The following KCND2 variants were observed in gnomAD, a reference collection of about 807,000 sequenced individuals.
KCND2 encodes the protein potassium voltage-gated channel subfamily D member 2.
In KCND2, 16 loss-of-function variants were observed where a neutral mutation model predicts 54.4. The observed-to-expected ratio is 0.29, with a 90% CI of 0.20 to 0.45. KCND2 has a LOEUF of 0.45. Ranked by LOEUF, KCND2 falls within the 20% of genes least tolerant of loss-of-function variation. KCND2 has a pLI of 1.00. For synonymous variants in KCND2, 317 were observed against 310.7 expected, an observed-to-expected ratio of 1.02 and a Z score of -0.21; for missense variants, 486 against 824.2, an observed-to-expected ratio of 0.59 and a Z score of 5.02.
intron 1 of KCND2, among the ~76,000 whole-genome samples, chr7:120,435,621 A>G (rs1424619287): frequency 1.3e-5 from 2 of 152,146 alleles, no homozygotes. Flanking sequence ...GCATTTATAC[A>G]ATTCAGAATC....
intron 1 of KCND2, among the ~76,000 whole-genome samples, chr7:120,326,530 G>A (rs1182426426): frequency 2.6e-5 from 4 of 152,020 alleles, no homozygotes; most frequent in Non-Finnish European, 5.9e-5. Context: ...CTAATTGGTA[G>A]CTCATTGTTG....
intron 1 of KCND2, among the ~76,000 whole-genome samples, chr7:120,528,480 A>T (rs551751553): frequency 3.2e-4 from 48 of 152,172 alleles, no homozygotes; most frequent in Non-Finnish European, 5.3e-4. Flanking sequence ...ATATTAATTT[A>T]TGGTGATGTA....
chr7:120,278,514 T>C (rs897687795), intron 1 of KCND2, among the ~76,000 whole-genome samples: 4 of 151,144 alleles, frequency 2.6e-5, no homozygotes, highest in Non-Finnish European at 5.9e-5. Flanking sequence ...AAGTTCCATC[T>C]CGTATGAACG....
chr7:120,522,916 C>A (rs1333918418), intron 1 of KCND2, among the ~76,000 whole-genome samples: 2 of 152,020 alleles, frequency 1.3e-5, no homozygotes, highest in East Asian at 3.9e-4. Context: ...TTCAGTAATG[C>A]CTTTGCCTTC....
At chr7:120,559,860 TAAGC>T (rs1792212212) in intron 1 of KCND2, among the ~76,000 whole-genome samples, 1 of 152,110 alleles carries the variant, frequency 6.6e-6, no homozygotes, top group Non-Finnish European at 1.5e-5. Flanking sequence ...AAGAGAAAAT[TAAGC>T]AAGGCCTTAA....
chr7:120,535,538 G>A (rs1043412183), intron 1 of KCND2, among the ~76,000 whole-genome samples: 7 of 152,198 alleles, frequency 4.6e-5, no homozygotes, highest in Middle Eastern at 3.4e-3. Context: ...AGAGCGAGAG[G>A]TCACATACTT....
intron 1 of KCND2, among the ~76,000 whole-genome samples, chr7:120,684,201 T>G (rs1792173567): frequency 6.6e-6 from 1 of 152,172 alleles, no homozygotes; most frequent in South Asian, 2.1e-4. Context: ...TAGTGTGGCG[T>G]TATTCCTGGG....
chr7:120,735,338 C>T (rs1341735159), intron 2 of KCND2, among the ~76,000 whole-genome samples: 2 of 152,142 alleles, frequency 1.3e-5, no homozygotes, highest in African/African-American at 4.8e-5. Context: ...CCATACAGTA[C>T]AGTCCCTCTA....
At position 120,323,780 on chromosome 7, in the gene KCND2, G is replaced by A. The variant is rs1156609365; in HGVS notation, c.1115+48033G>A. On this transcript the variant is annotated intron_variant, in intron 1 of 5. Coordinates refer to ENST00000331113, the MANE Select transcript of KCND2 (RefSeq NM_012281.3). ...ACATACGTGTGCATGTGTCTTTATAGCAGCATGATTTATAGTCCTTTGGGT... is the reference window on the plus strand; with the variant it reads ...ACATACGTGTGCATGTGTCTTTATAACAGCATGATTTATAGTCCTTTGGGT... 7.9e-5 allele frequency among the ~76,000 whole-genome samples: 10 copies of A among 127,086 alleles called. No homozygotes were observed. In the Admixed American group the frequency reaches 8.6e-4, roughly 11 times the overall value. The allele number at this position is 127,086 out of a possible 152,430, so 83.4% of individuals were successfully genotyped here.
At chr7:120,493,208 A>T (rs1000179739) in intron 1 of KCND2, among the ~76,000 whole-genome samples, 5 of 149,152 alleles carry the variant, frequency 3.4e-5, no homozygotes, top group African/African-American at 1.2e-4. Flanking sequence ...GATCTATATC[A>T]TATATATATA....
intron 1 of KCND2, among the ~76,000 whole-genome samples, chr7:120,403,461 G>A (rs996890322): frequency 1.3e-4 from 19 of 150,994 alleles, no homozygotes; most frequent in African/African-American, 1.7e-4. Flanking sequence ...AATTACAGGC[G>A]ATGGCTACCA....
intron 1 of KCND2, among the ~76,000 whole-genome samples, chr7:120,397,995 GTATATATATATATATATATATA>G (rs200944488): frequency 4.2e-4 from 39 of 93,122 alleles, no homozygotes; most frequent in African/African-American, 1.6e-3. Flanking sequence ...GTGTGTGTGT[GTATATATATATATATATATATA>G]TATATATATA....
intron 1 of KCND2, among the ~76,000 whole-genome samples, chr7:120,360,432 A>G (rs925960625): frequency 6.6e-6 from 1 of 151,998 alleles, no homozygotes; most frequent in African/African-American, 2.4e-5. Flanking sequence ...CCATGCTCTT[A>G]TCACATCATA....
At chr7:120,661,467 G>A (rs998424737) in intron 1 of KCND2, among the ~76,000 whole-genome samples, 1 of 150,922 alleles carries the variant, frequency 6.6e-6, no homozygotes, top group Admixed American at 6.6e-5. Context: ...TGGTCAACAT[G>A]GTGAAACCTC....
At chr7:120,540,589 T>G (rs917431539) in intron 1 of KCND2, among the ~76,000 whole-genome samples, 12 of 152,184 alleles carry the variant, frequency 7.9e-5, no homozygotes, top group Admixed American at 3.3e-4. Flanking sequence ...AAATCTTAGA[T>G]AAATATTTGT....
At chr7:120,656,026 T>G (rs1003156856) in intron 1 of KCND2, among the ~76,000 whole-genome samples, 7 of 152,284 alleles carry the variant, frequency 4.6e-5, no homozygotes, top group African/African-American at 1.7e-4. Flanking sequence ...TATACAAGTA[T>G]CCATTTGTTT....
chr7:120,624,822 C>A lies in KCND2; in HGVS notation c.1116-108081C>A, dbSNP rs368017424. On this transcript the variant is annotated intron_variant, in intron 1 of 5. Coordinates refer to ENST00000331113, the MANE Select transcript of KCND2 (RefSeq NM_012281.3). ...GTGGTGGGAGGGATAAAAAATAAGT[C>A]AATCAAGTATCTTCCATAGTAGATA... Among the ~76,000 whole-genome samples the A allele has an allele frequency of 4.0e-5, 6 of 151,260 alleles. No individual in the cohort carries two copies. The East Asian group carries it at 5.8e-4, about 15-fold the overall frequency.
chr7:120,367,247 A>T (rs143744320), intron 1 of KCND2, among the ~76,000 whole-genome samples: 1 of 152,224 alleles, frequency 6.6e-6, no homozygotes, highest in East Asian at 1.9e-4. Flanking sequence ...AGGTCTGCCT[A>T]ATTATTTTCT....
intron 1 of KCND2, among the ~76,000 whole-genome samples, chr7:120,544,497 A>G (rs1293540635): frequency 6.6e-6 from 1 of 151,952 alleles, no homozygotes; most frequent in African/African-American, 2.4e-5. Context: ...TAAAAGTATA[A>G]CCATTCATAA....
Sources: gnomAD v4.1 joint callset for allele counts (sites outside exome capture counted in the v4.1 genomes callset) on GRCh38, gnomAD v4.1.1 for gene constraint, MANE v1.5 for transcripts, NCBI Gene and HGNC (gene_info 2026-07-23, HGNC 2026-07-21) for gene names.